Variants in EPHA6 observed in about 807,000 individuals in gnomAD.
EPHA6 encodes the protein ephrin type-A receptor 6.
EPHA6 carries 50 observed loss-of-function variants against 112.0 expected under a neutral mutation model. The observed-to-expected ratio is 0.45, with a 90% confidence interval of 0.36 to 0.56. The LOEUF is 0.56. EPHA6 is among the 20% of genes least tolerant of loss of function. The probability of loss-of-function intolerance (pLI) is 0.00; values close to 1 mark genes in which losing one functional copy is unlikely to be tolerated. For synonymous variants in EPHA6, 529 were observed against 490.7 expected, an observed-to-expected ratio of 1.08 and a Z score of -1.03; for missense variants, 1,280 against 1,417.4, an observed-to-expected ratio of 0.90 and a Z score of 1.56.
At chr3:96,914,287 T>C (rs1197949799) in intron 2 of EPHA6, among the ~76,000 whole-genome samples, 1 of 152,154 alleles carries the variant, frequency 6.6e-6, no homozygotes, top group Admixed American at 6.6e-5. Context: ...ATCTACTTAA[T>C]TGTCTTGATT....
intron 2 of EPHA6, among the ~76,000 whole-genome samples, chr3:96,956,797 G>A (rs1388977278): frequency 6.6e-6 from 1 of 152,098 alleles, no homozygotes; most frequent in African/African-American, 2.4e-5. Context: ...GACTTTGTGG[G>A]GCTGAGGCGG....
At chr3:96,898,757 C>A (rs371978004) in intron 2 of EPHA6, among the ~76,000 whole-genome samples, 1 of 151,946 alleles carries the variant, frequency 6.6e-6, no homozygotes, top group Non-Finnish European at 1.5e-5. Context: ...TGGCCGGGCG[C>A]GGTGGCTCAC....
chr3:97,563,683 C>T (rs2093223393), intron 11 of EPHA6, among the ~76,000 whole-genome samples: 1 of 152,046 alleles, frequency 6.6e-6, no homozygotes, highest in African/African-American at 2.4e-5. Context: ...AGTTCCTGGT[C>T]CCAATATGAA....
In EPHA6 at chr3:97,042,759, G is replaced by A. The variant is rs117897276; in HGVS notation, c.1114+54766G>A. Among the ~76,000 whole-genome samples the A allele has an allele frequency of 8.4e-4, 128 of 152,224 alleles. 1 individual carries two copies. The East Asian group carries it at 8.7e-3, about 10-fold the overall frequency. On this transcript the variant is annotated intron_variant, in intron 3 of 17. Transcript: ENST00000389672. ...CTCTCACTAGGCTATGAGTAGAAGAGCATACACTTAGCTCCATCCATATCA... is the reference window on the plus strand; with the variant it reads ...CTCTCACTAGGCTATGAGTAGAAGAACATACACTTAGCTCCATCCATATCA...
At chr3:97,696,941 G>C (rs935962632) in intron 14 of EPHA6, among the ~76,000 whole-genome samples, 1 of 152,166 alleles carries the variant, frequency 6.6e-6, no homozygotes. Context: ...TTTAGTATTA[G>C]CACTCAATAC....
At chr3:97,738,917 T>C (rs2035385672) in intron 16 of EPHA6, among the ~76,000 whole-genome samples, 1 of 151,986 alleles carries the variant, frequency 6.6e-6, no homozygotes, top group African/African-American at 2.4e-5. Context: ...TTTATCAGCG[T>C]TCTCATTTTC....
Position 97,578,623 on chromosome 3 carries a change from A to G in EPHA6, c.2387-13989A>G, listed in dbSNP as rs375862545. Among the ~76,000 whole-genome samples, 503 of 152,350 alleles carry G rather than the reference A, an allele frequency of 3.3e-3. 2 individuals are homozygous for G. The highest frequency in any genetic ancestry group is 0.011 in the African/African-American group (461 of 41,584). ...GACTAGAGGTATAGGACTTTCCTCAATCATCAAGTATGAACTGAGGTTGTT... is the reference window on the plus strand; with the variant it reads ...GACTAGAGGTATAGGACTTTCCTCAGTCATCAAGTATGAACTGAGGTTGTT... On this transcript the variant is annotated intron_variant, in intron 11 of 17. Coordinates refer to ENST00000389672, the MANE Select transcript of EPHA6 (RefSeq NM_001080448.3).
chr3:97,225,375 T>C (rs2078325112), intron 3 of EPHA6, among the ~76,000 whole-genome samples: 1 of 152,204 alleles, frequency 6.6e-6, no homozygotes, highest in Non-Finnish European at 1.5e-5. Flanking sequence ...TTATTGACTA[T>C]TTTGTGATAC....
rs2040798743 is a variant in EPHA6, at chr3:96,939,347, G to T, written c.451-47983G>T. ...GTTTTAGTCTTGGGAGGGTGTATGT[G>T]TCGAGGAATTTATCCACTTCTTCTA... On this transcript the variant is annotated intron_variant, in intron 2 of 17. Coordinates refer to ENST00000389672, the MANE Select transcript of EPHA6 (RefSeq NM_001080448.3). Among the ~76,000 whole-genome samples, 4 of 152,292 alleles carry T rather than the reference G, an allele frequency of 2.6e-5. No homozygotes were observed. The East Asian group carries it at 7.7e-4, about 29-fold the overall frequency.
At chr3:96,919,138 C>T (rs1001225521) in intron 2 of EPHA6, among the ~76,000 whole-genome samples, 8 of 151,732 alleles carry the variant, frequency 5.3e-5, no homozygotes, top group South Asian at 2.1e-4. Context: ...GGAACGTAGC[C>T]GCTTTTAATA....
intron 5 of EPHA6, among the ~76,000 whole-genome samples, chr3:97,288,267 C>T (rs572886279): frequency 6.6e-6 from 1 of 152,172 alleles, no homozygotes; most frequent in African/African-American, 2.4e-5. Context: ...GTCCCATGTC[C>T]TTTGTTGCCA....
Position 96,836,801 on chromosome 3 carries a change from CTGCCAACACACATAGTCTTGTCT to C in EPHA6, c.385+21796_385+21818del, listed in dbSNP as rs372626410. 6.9e-3 allele frequency among the ~76,000 whole-genome samples: 1,045 copies of C among 152,250 alleles called. 10 individuals are homozygous for C. The highest frequency in any genetic ancestry group is 0.023 in the African/African-American group (948 of 41,568). On this transcript the variant is annotated intron_variant, in intron 1 of 17. Transcript: ENST00000389672. ...ATCTGACAGTGCACCTTATTCTGTG[CTGCCAACACACATAGTCTTGTCT>C]TGGGTTATTAGATTGAAATAGGGCA...
At chr3:97,440,535 A>C (rs2090082830) in intron 6 of EPHA6, among the ~76,000 whole-genome samples, 1 of 151,456 alleles carries the variant, frequency 6.6e-6, no homozygotes, top group Non-Finnish European at 1.5e-5. Context: ...CAAACCATTA[A>C]CAAAATCAGA....
chr3:97,145,238 T>C (rs1355561746), intron 3 of EPHA6, among the ~76,000 whole-genome samples: 1 of 151,324 alleles, frequency 6.6e-6, no homozygotes, highest in Non-Finnish European at 1.5e-5. Context: ...GAAATATAAC[T>C]CTTTCTAAAG....
chr3:97,306,082 A>C (rs900880034), intron 5 of EPHA6, among the ~76,000 whole-genome samples: 1 of 151,854 alleles, frequency 6.6e-6, no homozygotes, highest in African/African-American at 2.4e-5. Flanking sequence ...AAATTTCCCT[A>C]AAATCTGAAA....
At chr3:97,678,588 C>T (rs953034420) in intron 14 of EPHA6, among the ~76,000 whole-genome samples, 3 of 152,180 alleles carry the variant, frequency 2.0e-5, no homozygotes, top group Admixed American at 6.5e-5. Context: ...GCAGAGAATC[C>T]TAGAAAGGTG....
At chr3:97,233,646 A>C (rs1484975636) in intron 4 of EPHA6, among the ~76,000 whole-genome samples, 1 of 152,198 alleles carries the variant, frequency 6.6e-6, no homozygotes, top group Non-Finnish European at 1.5e-5. Context: ...GTTGGAATTT[A>C]GATCATCAGT....
chr3:97,265,665 G>T (rs745354171), intron 5 of EPHA6, among the ~76,000 whole-genome samples: 15 of 152,170 alleles, frequency 9.9e-5, no homozygotes, highest in Non-Finnish European at 1.9e-4. Flanking sequence ...CTGGGAGGGT[G>T]GTGCTCCCAT....
intron 5 of EPHA6, among the ~76,000 whole-genome samples, chr3:97,385,044 G>A (rs2085978842): frequency 1.3e-5 from 2 of 152,162 alleles, no homozygotes; most frequent in South Asian, 4.1e-4. Flanking sequence ...CTAAGTTGCT[G>A]AACACAGAGT....
Sources: allele counts gnomAD v4.1 joint callset (sites outside exome capture counted in the v4.1 genomes callset), GRCh38; gene constraint gnomAD v4.1.1; transcripts MANE v1.5; gene names NCBI Gene and HGNC (gene_info 2026-07-23, HGNC 2026-07-21).